The following NFAM1 variants were observed in gnomAD, a reference collection of about 807,000 sequenced individuals.
NFAM1 encodes NFAT activation molecule 1.
A neutral mutation model predicts 29.0 loss-of-function variants in NFAM1; 17 were observed. The observed-to-expected ratio is 0.59, with a 90% CI of 0.40 to 0.88. The LOEUF is 0.88. NFAM1 is among the 40% of genes least tolerant of loss of function. The pLI is 0.00. For missense variants in NFAM1, 324 were observed against 344.6 expected (o/e 0.94, Z 0.47); for synonymous variants, 175 against 147.2 (o/e 1.19, Z -1.36).
intron 1 of NFAM1, among the ~76,000 whole-genome samples, chr22:42,424,092 C>T (rs1432709916): frequency 2.0e-5 from 3 of 151,982 alleles, no homozygotes; most frequent in Non-Finnish European, 4.4e-5. Context: ...TGAGCCATCA[C>T]ACTGGCTGAG....
intron 1 of NFAM1, among the ~76,000 whole-genome samples, chr22:42,415,457 G>A (rs955562764): frequency 4.6e-5 from 7 of 151,942 alleles, no homozygotes; most frequent in Non-Finnish European, 1.0e-4. Context: ...CCGCCACCAT[G>A]CCTGGCTAAT....
chr22:42,408,810 A>G (rs1929983105), intron 3 of NFAM1, among the ~76,000 whole-genome samples: 1 of 152,210 alleles, frequency 6.6e-6, no homozygotes, highest in African/African-American at 2.4e-5. Flanking sequence ...GGAGCCGTCC[A>G]GGTGAGGAAA....
At chr22:42,437,116 A>T, upstream of NFAM1, 1 of 372,616 alleles carries the variant, frequency 2.7e-6, no homozygotes, top group Non-Finnish European at 3.7e-6. Context: ...CAAAAAACAA[A>T]GGTGGCATGA....
At chr22:42,397,393 G>A (rs957079422) in intron 4 of NFAM1, among the ~76,000 whole-genome samples, 1 of 152,250 alleles carries the variant, frequency 6.6e-6, no homozygotes, top group Admixed American at 6.5e-5. Context: ...ATCTGCATGT[G>A]CCAGGAGGGG....
chr22:42,428,440 T>A (rs867934287), intron 1 of NFAM1, among the ~76,000 whole-genome samples: 11 of 152,062 alleles, frequency 7.2e-5, no homozygotes, highest in Middle Eastern at 3.2e-3. Context: ...AACATCTTTT[T>A]TTATTATTAT....
At chr22:42,408,428 G>T (rs1929971528) in intron 3 of NFAM1, among the ~76,000 whole-genome samples, 1 of 152,204 alleles carries the variant, frequency 6.6e-6, no homozygotes, top group Non-Finnish European at 1.5e-5. Context: ...CACACCCAGG[G>T]CTGTTGCTGA....
intron 3 of NFAM1, among the ~76,000 whole-genome samples, chr22:42,399,446 C>CAAA (rs71311432): frequency 7.5e-5 from 5 of 66,922 alleles, no homozygotes; most frequent in Admixed American, 1.8e-4. Flanking sequence ...GATCCCATCT[C>CAAA]AAAAAAAAAA....
intron 3 of NFAM1, among the ~76,000 whole-genome samples, chr22:42,407,298 T>G (rs1381393146): frequency 6.6e-6 from 1 of 150,438 alleles, no homozygotes; most frequent in South Asian, 2.1e-4. Context: ...GCCAAGCTAG[T>G]CTTGAACTCC....
chr22:42,394,076 C>T (rs1049427563), intron 4 of NFAM1, among the ~76,000 whole-genome samples: 11 of 152,140 alleles, frequency 7.2e-5, no homozygotes, highest in Non-Finnish European at 1.6e-4. Context: ...GCTCTTGCTG[C>T]CCAGGCTGGA....
At chr22:42,432,542 C>T (rs1456914283), upstream of NFAM1, 8 of 726,236 alleles carry the variant, frequency 1.1e-5, no homozygotes, top group Admixed American at 3.1e-5. Flanking sequence ...TGAGACTGGT[C>T]CAGGCCACAC....
Position 42,424,390 on chromosome 22 carries a change from A to G in NFAM1, c.121+7847T>C, listed in dbSNP as rs578114521. Among the ~76,000 whole-genome samples, 11 of 151,782 alleles carry G rather than the reference A, an allele frequency of 7.2e-5. No homozygotes were observed. The East Asian group carries it at 1.6e-3, about 21-fold the overall frequency. On this transcript the variant is annotated intron_variant, in intron 1 of 5. Coordinates refer to ENST00000329021, the MANE Select transcript of NFAM1 (RefSeq NM_145912.8). ...AGATTGTGCCACTGCACTCCAGCCT[A>G]GGGGATAGAGCGAGACTCCGTCTCA...
intron 3 of NFAM1, among the ~76,000 whole-genome samples, chr22:42,402,522 G>C (rs1385431384): frequency 6.6e-6 from 1 of 152,234 alleles, no homozygotes; most frequent in Non-Finnish European, 1.5e-5. Context: ...CACCAAGAGG[G>C]GGGTGACCCA....
chr22:42,435,150 T>C (rs1930909248), upstream of NFAM1, among the ~76,000 whole-genome samples: 1 of 152,114 alleles, frequency 6.6e-6, no homozygotes. Flanking sequence ...ATCACCTCCA[T>C]TGTACAGATG....
At chr22:42,385,244 G>GGGAA in intron 5 of NFAM1, 24 bp from the exon 6 acceptor site, 1 of 1,523,540 alleles carries the variant, frequency 6.6e-7, no homozygotes. Context: ...AAGAAAGGGA[G>GGGAA]GGAAGGAGAG....
At chr22:42,425,614 G>A (rs1431746643) in intron 1 of NFAM1, among the ~76,000 whole-genome samples, 1 of 152,090 alleles carries the variant, frequency 6.6e-6, no homozygotes. Context: ...GGCTGGCTCC[G>A]CTGCCACCAA....
chr22:42,437,473 A>G, the NFAM1 span, among the ~76,000 whole-genome samples: 2 of 152,042 alleles, frequency 1.3e-5, no homozygotes, highest in Non-Finnish European at 2.9e-5. Flanking sequence ...CACGTCCACC[A>G]TGTGCCAAGG....
Position 42,411,644 on chromosome 22 carries a change from T to C in NFAM1, c.214A>G (p.Thr72Ala). 6.2e-7 allele frequency: 1 copy of C among 1,613,600 alleles called. No homozygotes were observed. The highest frequency in any genetic ancestry group is 1.1e-5 in the South Asian group (1 of 91,048). The stretch of plus-strand genomic sequence containing the variant: ...ACTGTGAAAACCTTGAATTGGGGAG[T>C]GTATGGATAGGTGATCCTGCAGCTG... ...SFSCRITYPY[T>A]PQFKVFTVSY... is the part of the protein sequence containing the mutation. The change falls in exon 2 of 6, where the codon ACT becomes GCT. Residue 72 changes from threonine (T) to alanine (A), a missense_variant. Coordinates refer to ENST00000329021, the MANE Select transcript of NFAM1 (RefSeq NM_145912.8).
chr22:42,392,430 C>G (rs759168434), intron 4 of NFAM1, among the ~76,000 whole-genome samples: 2 of 151,586 alleles, frequency 1.3e-5, no homozygotes, highest in Non-Finnish European at 2.9e-5. Flanking sequence ...AAGGTTCTGG[C>G]GAAGAGGAGG....
intron 1 of NFAM1, among the ~76,000 whole-genome samples, chr22:42,413,307 C>T (rs1425295307): frequency 6.6e-6 from 1 of 152,192 alleles, no homozygotes; most frequent in East Asian, 1.9e-4. Flanking sequence ...CCAGGCTCAT[C>T]TCTTCCCAGG....
Sources: allele counts gnomAD v4.1 joint callset (sites outside exome capture counted in the v4.1 genomes callset), GRCh38; gene constraint gnomAD v4.1.1; transcripts MANE v1.5; gene names NCBI Gene and HGNC (gene_info 2026-07-23, HGNC 2026-07-21).